The following ATG10 variants were observed in gnomAD, a reference collection of about 807,000 sequenced individuals.
ATG10 encodes the protein autophagy related 10, also known as ubiquitin-like-conjugating enzyme ATG10.
Under a neutral mutation model 32.1 loss-of-function variants are expected in ATG10, and 30 were observed. The ratio of observed to expected loss-of-function variants is 0.94; its 90% CI spans 0.70 to 1.27. The LOEUF (loss-of-function observed/expected upper bound fraction) is 1.27, where lower values mean the gene tolerates loss of function less well. Among genes scored for constraint, ATG10 ranks in the 50% most tolerant of loss-of-function variants. The pLI is 0.00. For missense variants in ATG10, 233 were observed against 262.3 expected (o/e 0.89, Z 0.77); for synonymous variants, 87 against 91.5 (o/e 0.95, Z 0.28).
In ATG10 at chr5:82,229,857, A is replaced by C. The variant is rs185212411; in HGVS notation, c.454-22705A>C. On this transcript the variant is annotated intron_variant, in intron 5 of 7. Coordinates refer to ENST00000282185, the MANE Select transcript of ATG10 (RefSeq NM_031482.5). ...AGGGAGGTAGGGGGGTCCTGGAACC[A>C]TTCCCTGTGAATACCAAAGGATGGC... Among the ~76,000 whole-genome samples, 92 of 152,272 alleles carry C rather than the reference A, an allele frequency of 6.0e-4. No homozygotes were observed. In the East Asian group the frequency reaches 0.014, roughly 23 times the overall value.
At chr5:82,245,007 C>T (rs1031476982) in intron 5 of ATG10, among the ~76,000 whole-genome samples, 8 of 152,158 alleles carry the variant, frequency 5.3e-5, no homozygotes, top group African/African-American at 1.4e-4. Flanking sequence ...CATTTCCACA[C>T]GGACATTTTT....
intron 2 of ATG10, among the ~76,000 whole-genome samples, chr5:81,993,260 GCATT>G (rs1218400837): frequency 2.6e-5 from 4 of 151,444 alleles, no homozygotes; most frequent in East Asian, 3.9e-4. Flanking sequence ...ATGTTATTTT[GCATT>G]CAAAGAGTTT....
chr5:82,216,737 T>C (rs1745695170), intron 5 of ATG10, among the ~76,000 whole-genome samples: 1 of 152,166 alleles, frequency 6.6e-6, no homozygotes, highest in Non-Finnish European at 1.5e-5. Flanking sequence ...TTAGATTTAT[T>C]TGAGTCCACA....
intron 2 of ATG10, among the ~76,000 whole-genome samples, chr5:82,042,770 C>T (rs1763125696): frequency 1.3e-5 from 2 of 152,200 alleles, no homozygotes; most frequent in African/African-American, 4.8e-5. Flanking sequence ...AAATAATCTC[C>T]TTTGACTCCA....
intron 5 of ATG10, among the ~76,000 whole-genome samples, chr5:82,214,103 G>A (rs1022750644): frequency 1.3e-5 from 2 of 152,168 alleles, no homozygotes; most frequent in African/African-American, 4.8e-5. Context: ...AACTAGAAGG[G>A]TAAGATGTCT....
intron 3 of ATG10, among the ~76,000 whole-genome samples, chr5:82,081,818 T>G (rs1764492420): frequency 6.6e-6 from 1 of 152,244 alleles, no homozygotes; most frequent in African/African-American, 2.4e-5. Flanking sequence ...TCTAAAATTC[T>G]CTTTTTTTGT....
Position 82,144,501 on chromosome 5 carries a change from T to C in ATG10, c.217-19898T>C, listed in dbSNP as rs564436908. Among the ~76,000 whole-genome samples the C allele has an allele frequency of 1.6e-3, 239 of 151,972 alleles. 1 individual carries two copies. The highest frequency in any genetic ancestry group is 5.4e-3 in the African/African-American group (223 of 41,554). ...TTAGCTGCATTCCATTCATTTTATT[T>C]TATTGCATTTTTATTATAAAATTTT... On this transcript the variant is annotated intron_variant, in intron 3 of 7. Coordinates refer to ENST00000282185, the MANE Select transcript of ATG10 (RefSeq NM_031482.5).
intron 2 of ATG10, among the ~76,000 whole-genome samples, chr5:82,048,406 T>A (rs192881827): frequency 6.6e-6 from 1 of 151,402 alleles, no homozygotes; most frequent in East Asian, 1.9e-4. Context: ...AGCAGTGGTT[T>A]GTAGTTCTCC....
intron 1 of ATG10, among the ~76,000 whole-genome samples, chr5:81,986,823 C>T (rs1373395520): frequency 1.3e-5 from 2 of 152,092 alleles, no homozygotes; most frequent in East Asian, 3.9e-4. Flanking sequence ...GCTGGTGGAT[C>T]GCTTGAGGTC....
At chr5:82,131,500 C>T (rs907082915) in intron 3 of ATG10, among the ~76,000 whole-genome samples, 4 of 152,008 alleles carry the variant, frequency 2.6e-5, no homozygotes, top group African/African-American at 9.7e-5. Context: ...AGAGTTATTC[C>T]TGGTCAGTCT....
At chr5:82,243,327 A>G (rs991265773) in intron 5 of ATG10, among the ~76,000 whole-genome samples, 5 of 152,032 alleles carry the variant, frequency 3.3e-5, no homozygotes, top group African/African-American at 1.2e-4. Flanking sequence ...AAAAAGTGAA[A>G]TCAAATTATA....
chr5:82,040,212 T>C (rs1561268350), intron 2 of ATG10, among the ~76,000 whole-genome samples: 1 of 152,266 alleles, frequency 6.6e-6, no homozygotes, highest in South Asian at 2.1e-4. Flanking sequence ...CTCCTCTTGA[T>C]GGGAGGAGTG....
At chr5:82,239,084 G>A (rs752429359) in intron 5 of ATG10, among the ~76,000 whole-genome samples, 1 of 152,142 alleles carries the variant, frequency 6.6e-6, no homozygotes, top group African/African-American at 2.4e-5. Context: ...TTCGTTCTTA[G>A]ATACACATTG....
chr5:82,118,218 GA>G (rs143274898), intron 3 of ATG10, among the ~76,000 whole-genome samples: 3,896 of 150,242 alleles, frequency 0.026, 76 homozygotes, highest in Middle Eastern at 0.042. Flanking sequence ...GTAATTAATA[GA>G]AAAAATTAAT....
intron 5 of ATG10, among the ~76,000 whole-genome samples, chr5:82,187,414 G>GA (rs1744492864): frequency 6.6e-6 from 1 of 150,664 alleles, no homozygotes; most frequent in African/African-American, 2.4e-5. Flanking sequence ...GGGAGGGTGA[G>GA]GCAGGAGAAT....
chr5:81,992,896 T>C (rs1406556605), intron 2 of ATG10, among the ~76,000 whole-genome samples: 3 of 150,162 alleles, frequency 2.0e-5, no homozygotes, highest in Non-Finnish European at 4.5e-5. Context: ...AATTTTTATA[T>C]CTGGAGCTAT....
chr5:81,999,739 C>A (rs116024015), intron 2 of ATG10, among the ~76,000 whole-genome samples: 1 of 151,896 alleles, frequency 6.6e-6, no homozygotes, highest in African/African-American at 2.4e-5. Flanking sequence ...AAAAAAATCC[C>A]GCAGACACTA....
intron 3 of ATG10, among the ~76,000 whole-genome samples, chr5:82,131,413 T>C (rs1352294221): frequency 2.0e-5 from 3 of 152,182 alleles, no homozygotes; most frequent in Non-Finnish European, 4.4e-5. Context: ...GAGGTTGAAG[T>C]GTGACTGTTA....
At chr5:82,124,180 T>A (rs922760188) in intron 3 of ATG10, among the ~76,000 whole-genome samples, 7 of 151,580 alleles carry the variant, frequency 4.6e-5, no homozygotes, top group African/African-American at 1.7e-4. Flanking sequence ...ATTTTTTGTA[T>A]TTTTAGTAGA....
Sources: gnomAD v4.1 joint callset for allele counts (sites outside exome capture counted in the v4.1 genomes callset) on GRCh38, gnomAD v4.1.1 for gene constraint, MANE v1.5 for transcripts, NCBI Gene and HGNC (gene_info 2026-07-23, HGNC 2026-07-21) for gene names.